Variants in SERPINI2 observed in about 807,000 individuals in gnomAD.
SERPINI2 encodes the protein serpin family I member 2.
Under a neutral mutation model 47.3 loss-of-function variants are expected in SERPINI2, and 48 were observed. That is an observed-to-expected ratio of 1.02 (90% CI 0.81 to 1.29). SERPINI2 has a LOEUF of 1.29. Ranked by LOEUF, SERPINI2 falls within the 50% of genes most tolerant of loss-of-function variation. SERPINI2 has a pLI of 0.00. For missense variants in SERPINI2, 448 were observed against 456.9 expected (o/e 0.98, Z 0.18); for synonymous variants, 135 against 149.3 (o/e 0.90, Z 0.70).
intron 5 of SERPINI2, among the ~76,000 whole-genome samples, chr3:167,457,710 C>G (rs913434775): frequency 6.6e-6 from 1 of 152,190 alleles, no homozygotes; most frequent in African/African-American, 2.4e-5. Flanking sequence ...TAGCTCTTCA[C>G]CTCAAGTAGC....
intron 3 of SERPINI2, 48 bp downstream of exon 3, chr3:167,467,007 C>G: frequency 7.2e-7 from 1 of 1,386,722 alleles, no homozygotes; most frequent in Non-Finnish European, 1.0e-6. Context: ...TATTAAAAAC[C>G]ATGAATACAA....
Position 167,467,048 on chromosome 3 carries a change from A to T in SERPINI2, c.478+7T>A. The T allele has an allele frequency of 6.3e-7, 1 of 1,577,904 alleles. No homozygotes were observed. Among genetic ancestry groups the T allele is most frequent in the Non-Finnish European group, 8.6e-7 (1 of 1,157,434 alleles). On this transcript the variant is annotated splice_region_variant and intron_variant, in intron 3 of 8. Transcript: ENST00000264677. Reference sequence around the variant, plus strand: ...AATAATAATTTTATGAAAATGGGAAACTTTACCATCTGTTTTTCTTTCTAC... The same window carrying T: ...AATAATAATTTTATGAAAATGGGAATCTTTACCATCTGTTTTTCTTTCTAC...
At chr3:167,463,559 G>A (rs1750046029) in intron 5 of SERPINI2, among the ~76,000 whole-genome samples, 1 of 152,072 alleles carries the variant, frequency 6.6e-6, no homozygotes, top group Non-Finnish European at 1.5e-5. Context: ...TAGTGTCCTG[G>A]GGACTAAAGG....
intron 3 of SERPINI2, 67 bp from the exon 4 acceptor site, chr3:167,465,740 A>G: frequency 7.3e-7 from 1 of 1,360,776 alleles, no homozygotes; most frequent in Non-Finnish European, 1.0e-6. Flanking sequence ...ATTGCTTTGA[A>G]TAGAATTAAA....
At chr3:167,447,801 T>A (rs1749522114) in intron 7 of SERPINI2, among the ~76,000 whole-genome samples, 1 of 152,208 alleles carries the variant, frequency 6.6e-6, no homozygotes, top group Non-Finnish European at 1.5e-5. Flanking sequence ...CCTTTTGACT[T>A]CTTCAAAGAT....
exon 5 of SERPINI2, chr3:167,465,333 T>C (rs1750102014): frequency 1.2e-6 from 2 of 1,612,870 alleles, no homozygotes; most frequent in African/African-American, 1.3e-5. Flanking sequence ...ATAATTAAGC[T>C]AAATTCATCA....
At chr3:167,446,347 T>C in intron 8 of SERPINI2, 45 bp downstream of exon 8, 1 of 1,312,936 alleles carries the variant, frequency 7.6e-7, no homozygotes, top group Admixed American at 1.9e-5. Flanking sequence ...GAACTAGTTC[T>C]GCTTAACATA....
At chr3:167,446,907 AT>A (rs199709795) in intron 7 of SERPINI2, 37 of 149,116 alleles carry the variant, frequency 2.5e-4, no homozygotes, top group Admixed American at 2.7e-4. Flanking sequence ...GCTCAAATTA[AT>A]TTTTTTTTTT....
intron 5 of SERPINI2, among the ~76,000 whole-genome samples, chr3:167,454,950 G>A (rs563817752): frequency 6.6e-6 from 1 of 152,122 alleles, no homozygotes. Context: ...CAGGCTTAAG[G>A]TTAAGGTAGG....
At chr3:167,452,905 A>T (rs761243590) in intron 6 of SERPINI2, 31 bp downstream of exon 6, 5 of 1,377,822 alleles carry the variant, frequency 3.6e-6, no homozygotes, top group East Asian at 2.3e-5. Context: ...ACAAATTAAC[A>T]TCATAATATA....
chr3:167,471,702 T>C, exon 2 of SERPINI2: 1 of 1,613,628 alleles, frequency 6.2e-7, no homozygotes, highest in Non-Finnish European at 8.5e-7. Context: ...GAAAATATAA[T>C]GTTGTCCTTA....
At chr3:167,450,689 G>C (rs1749616358) in intron 6 of SERPINI2, among the ~76,000 whole-genome samples, 1 of 152,142 alleles carries the variant, frequency 6.6e-6, no homozygotes. Context: ...CGGCAAATAA[G>C]CACCTTCTTC....
chr3:167,461,614 CT>C (rs11458536), intron 5 of SERPINI2, among the ~76,000 whole-genome samples: 471 of 138,946 alleles, frequency 3.4e-3, no homozygotes, highest in Admixed American at 4.7e-3. Context: ...GCTATAGATG[CT>C]TTTTTTTTTT....
At chr3:167,460,070 T>C (rs1172421752) in intron 5 of SERPINI2, among the ~76,000 whole-genome samples, 3 of 152,236 alleles carry the variant, frequency 2.0e-5, no homozygotes, top group Non-Finnish European at 4.4e-5. Flanking sequence ...GACACCTTGA[T>C]TTTGACATTT....
At chr3:167,466,920 A>G in intron 3 of SERPINI2, 135 bp downstream of exon 3, 3 of 458,720 alleles carry the variant, frequency 6.5e-6, no homozygotes, top group Non-Finnish European at 1.1e-5. Flanking sequence ...TTAAATAACT[A>G]TGAAATGAAA....
At chr3:167,468,466 A>C (rs922536908) in intron 2 of SERPINI2, among the ~76,000 whole-genome samples, 1 of 152,104 alleles carries the variant, frequency 6.6e-6, no homozygotes, top group East Asian at 1.9e-4. Context: ...TGGGTTACAG[A>C]GGCTACATTT....
intron 5 of SERPINI2, among the ~76,000 whole-genome samples, chr3:167,461,205 T>C (rs1170174735): frequency 6.6e-6 from 1 of 152,132 alleles, no homozygotes; most frequent in Non-Finnish European, 1.5e-5. Flanking sequence ...AGACAATGTT[T>C]CTAGTTTGGT....
At chr3:167,468,122 C>T (rs1031701053) in intron 2 of SERPINI2, among the ~76,000 whole-genome samples, 3 of 152,244 alleles carry the variant, frequency 2.0e-5, no homozygotes, top group Non-Finnish European at 2.9e-5. Context: ...AATCTTAGAA[C>T]TCAATCATTA....
chr3:167,448,503 G>A (rs1749543413), intron 7 of SERPINI2, among the ~76,000 whole-genome samples: 1 of 152,090 alleles, frequency 6.6e-6, no homozygotes, highest in Non-Finnish European at 1.5e-5. Flanking sequence ...TGTGGACTGG[G>A]CATAGGAGTT....
Sources: allele counts gnomAD v4.1 joint callset (sites outside exome capture counted in the v4.1 genomes callset), GRCh38; gene constraint gnomAD v4.1.1; transcripts MANE v1.5; gene names NCBI Gene and HGNC (gene_info 2026-07-23, HGNC 2026-07-21).